Variants in EMID1 observed in about 807,000 individuals in gnomAD.
EMID1 encodes the protein EMI domain containing 1.
In EMID1, 40 loss-of-function variants were observed where a neutral mutation model predicts 60.6. The ratio of observed to expected loss-of-function variants is 0.66; its 90% confidence interval spans 0.51 to 0.86. The LOEUF is 0.86. EMID1 is among the 40% of genes least tolerant of loss of function. The pLI is 0.00. For missense variants in EMID1, 585 were observed against 597.1 expected (o/e 0.98, Z 0.21); for synonymous variants, 242 against 231.0 (o/e 1.05, Z -0.43).
chr22:29,258,321 C>G (rs577025449), intron 14 of EMID1, among the ~76,000 whole-genome samples: 2 of 152,148 alleles, frequency 1.3e-5, no homozygotes, highest in Non-Finnish European at 2.9e-5. Flanking sequence ...GATGAGATGA[C>G]TGAGGCCCTG....
rs142997650 is a variant in EMID1, at chr22:29,254,432, C to T, written c.1204+145C>T. 394 of 737,410 alleles carry T rather than the reference C, an allele frequency of 5.3e-4. 1 individual carries two copies. In the African/African-American group the frequency reaches 6.0e-3, roughly 11 times the overall value. The allele number at this position is 737,410 out of a possible 1,614,324, so 45.7% of individuals were successfully genotyped here. ...AGGCAAGCATGGACCTGAGAGGCCA[C>T]AACCACCCTTCCCTCAATGACTGGT... On this transcript the variant is annotated intron_variant, in intron 14 of 14. Coordinates refer to ENST00000334018, the MANE Select transcript of EMID1 (RefSeq NM_133455.4).
At position 29,238,739 on chromosome 22, in the gene EMID1, T is replaced by A. The variant is rs544884489; in HGVS notation, c.1074+4390T>A. On this transcript the variant is annotated intron_variant, in intron 12 of 14. Transcript: ENST00000334018. ...CGGCCATTTTTTTTTTTTTTTTTTT[T>A]AATTTTAGAAGCAAGATCTCACTAT... 2.4e-3 allele frequency among the ~76,000 whole-genome samples: 260 copies of A among 108,860 alleles called. 22 individuals carry two copies. The highest frequency in any genetic ancestry group is 4.0e-3 in the Admixed American group (45 of 11,136). 71.4% of individuals were successfully genotyped at this position (108,860 alleles called of 152,430 possible). A position where few individuals can be genotyped will look rare whatever the true frequency, so the allele number is the denominator to read the frequency against.
chr22:29,230,579 G>C (rs1307492402), intron 5 of EMID1, among the ~76,000 whole-genome samples: 3 of 152,188 alleles, frequency 2.0e-5, no homozygotes, highest in Non-Finnish European at 4.4e-5. Flanking sequence ...GAAGTTCGGT[G>C]CCCCTGCGAG....
At chr22:29,236,908 T>G (rs1259196940) in intron 12 of EMID1, among the ~76,000 whole-genome samples, 1 of 151,168 alleles carries the variant, frequency 6.6e-6, no homozygotes, top group East Asian at 2.0e-4. Flanking sequence ...GCAATTCTCC[T>G]GCCTCAGCCT....
At position 29,239,291 on chromosome 22, in the gene EMID1, T is replaced by C. The variant is rs188562423; in HGVS notation, c.1075-4154T>C. Reference sequence around the variant, plus strand: ...TTCTTAGAATATCTTTTTTTTCTTTTAAAAAAAATTTTTTTTTAATGTAGA... The same window carrying C: ...TTCTTAGAATATCTTTTTTTTCTTTCAAAAAAAATTTTTTTTTAATGTAGA... On this transcript the variant is annotated intron_variant, in intron 12 of 14. Coordinates refer to ENST00000334018, the MANE Select transcript of EMID1 (RefSeq NM_133455.4). 3.3e-5 allele frequency among the ~76,000 whole-genome samples: 4 copies of C among 120,892 alleles called. 1 individual carries two copies. The South Asian group carries it at 1.4e-3, about 42-fold the overall frequency. The allele number at this position is 120,892 out of a possible 152,430, so 79.3% of individuals were successfully genotyped here.
chr22:29,234,178 C>T lies in EMID1; in HGVS notation c.1008C>T (p.His336=). The T allele has an allele frequency of 6.2e-7, 1 of 1,603,602 alleles. No homozygotes were observed. The highest frequency in any genetic ancestry group is 8.5e-7 in the Non-Finnish European group (1 of 1,174,848). The change falls in exon 11 of 15, where the codon CAC becomes CAT. Residue 336 remains histidine (H), a synonymous_variant. Coordinates refer to ENST00000334018, the MANE Select transcript of EMID1 (RefSeq NM_133455.4). ...CTGGACCCAAAGGAATCTCTGGCCA[C>T]CCAGGAGAGAAGGGCGAGAGAGTGA... is the stretch of plus-strand genomic sequence containing the variant. The part of the protein sequence containing the change: ...GPTGPKGISG[H]PGEKGERGLR...
chr22:29,230,323 G>C (rs1280379632), intron 5 of EMID1, among the ~76,000 whole-genome samples: 2 of 143,528 alleles, frequency 1.4e-5, no homozygotes, highest in South Asian at 4.5e-4. Context: ...ACAGAGCAAG[G>C]CTCTCCATCT....
intron 5 of EMID1, among the ~76,000 whole-genome samples, chr22:29,229,704 T>C (rs2040658595): frequency 6.7e-6 from 1 of 149,602 alleles, no homozygotes; most frequent in South Asian, 2.1e-4. Flanking sequence ...AGCTTCCAAA[T>C]AGCGTGTGCT....
chr22:29,234,149 C>T lies in EMID1; in HGVS notation c.979C>T (p.Pro327Ser), dbSNP rs1182296928. Residue 327 changes from proline (P) to serine (S), a missense_variant, in exon 11 of 15, where the codon CCC (proline) becomes TCC (serine). Coordinates refer to ENST00000334018, the MANE Select transcript of EMID1 (RefSeq NM_133455.4). ...TCTTGTTGCTCAGGGACCCCCAGGCCCCACTGGACCCAAAGGAATCTCTGG... is the reference window on the plus strand; with the variant it reads ...TCTTGTTGCTCAGGGACCCCCAGGCTCCACTGGACCCAAAGGAATCTCTGG... ...GSPGHIGPPG[P>S]TGPKGISGHP... 5 of 1,593,610 alleles carry T rather than the reference C, an allele frequency of 3.1e-6. No individual in the cohort carries two copies. Among genetic ancestry groups the T allele is most frequent in the Non-Finnish European group, 4.3e-6 (5 of 1,169,628 alleles).
intron 5 of EMID1, among the ~76,000 whole-genome samples, chr22:29,229,689 A>T (rs1167366041): frequency 6.6e-6 from 1 of 151,816 alleles, no homozygotes; most frequent in Non-Finnish European, 1.5e-5. Context: ...CAAATGGGAA[A>T]ACCAAGCTTC....
Position 29,238,255 on chromosome 22 carries a change from AT to A in EMID1, c.1074+3908del, listed in dbSNP as rs2041027857. 7.1e-4 allele frequency among the ~76,000 whole-genome samples: 14 copies of A among 19,654 alleles called. 2 individuals are homozygous for A. The highest frequency in any genetic ancestry group is 1.7e-3 in the South Asian group (2 of 1,180). 12.9% of individuals were successfully genotyped at this position (19,654 alleles called of 152,430 possible). ...TTGATTCTCTGAAGTTTTTCTAAAA[AT>A]TATTATTATTATTATTATTATTATT... On this transcript the variant is annotated intron_variant, in intron 12 of 14. Coordinates refer to ENST00000334018, the MANE Select transcript of EMID1 (RefSeq NM_133455.4).
At chr22:29,225,057 G>A (rs1426673387) in intron 3 of EMID1, 76 bp from the exon 4 acceptor site, 1 of 1,484,398 alleles carries the variant, frequency 6.7e-7, no homozygotes, top group Non-Finnish European at 9.3e-7. Context: ...TCCCTGCTGG[G>A]GCTACAGTGG....
chr22:29,237,741 C>T (rs1402206806), intron 12 of EMID1, among the ~76,000 whole-genome samples: 1 of 143,714 alleles, frequency 7.0e-6, no homozygotes, highest in Non-Finnish European at 1.5e-5. Flanking sequence ...ATGGAGCTTG[C>T]AGTGAGTGGA....
In EMID1 at chr22:29,259,288, A is replaced by C. The variant is rs1056666222; in HGVS notation, c.*344A>C. 3.3e-6 allele frequency: 1 copy of C among 303,420 alleles called. No homozygotes were observed. The highest frequency in any genetic ancestry group is 6.1e-6 in the Non-Finnish European group (1 of 162,976). 18.8% of individuals were successfully genotyped at this position (303,420 alleles called of 1,614,324 possible). ...AGGAGCTGGGGCTCGGCACATGCAG[A>C]GATGACAGGGCAGGGGGCAGTCTTC... is the stretch of plus-strand genomic sequence containing the variant. On this transcript the variant is annotated 3_prime_UTR_variant, in exon 15 of 15. Transcript: ENST00000334018.
intron 1 of EMID1, among the ~76,000 whole-genome samples, chr22:29,209,478 T>G (rs2039801988): frequency 6.6e-6 from 1 of 152,078 alleles, no homozygotes; most frequent in Non-Finnish European, 1.5e-5. Flanking sequence ...ATGGAGCACA[T>G]GGGGATGGGT....
intron 13 of EMID1, among the ~76,000 whole-genome samples, chr22:29,245,070 T>TA (rs1849684671): frequency 8.8e-6 from 1 of 113,590 alleles, no homozygotes; most frequent in African/African-American, 3.8e-5. Flanking sequence ...GGGAGCCCCC[T>TA]ACCCTGCACG....
Position 29,258,858 on chromosome 22 carries a change from A to G in EMID1, c.1246A>G (p.Thr416Ala), listed in dbSNP as rs1602082388. ...GSGAGPAGTG[T>A]PSLLRGKRGG... ...TGGGGCGGGCCCTGCCGGCACAGGCACCCCCAGCCTCCTTCGGGGCAAGAG... is the reference window on the plus strand; with the variant it reads ...TGGGGCGGGCCCTGCCGGCACAGGCGCCCCCAGCCTCCTTCGGGGCAAGAG... Residue 416 changes from threonine (T) to alanine (A), a missense_variant, in exon 15 of 15, where the codon ACC becomes GCC. Coordinates refer to ENST00000334018, the MANE Select transcript of EMID1 (RefSeq NM_133455.4). 5 of 1,612,526 alleles carry G rather than the reference A, an allele frequency of 3.1e-6. No individual in the cohort carries two copies. The highest frequency in any genetic ancestry group is 4.2e-6 in the Non-Finnish European group (5 of 1,179,662).
chr22:29,247,637 G>T (rs1347762380), intron 13 of EMID1, among the ~76,000 whole-genome samples: 3 of 152,136 alleles, frequency 2.0e-5, no homozygotes, highest in Non-Finnish European at 2.9e-5. Context: ...GAGCTTTTTT[G>T]TTTGTTTGTT....
intron 1 of EMID1, among the ~76,000 whole-genome samples, chr22:29,208,499 G>A (rs2146090713): frequency 1.3e-5 from 2 of 152,300 alleles, no homozygotes; most frequent in South Asian, 2.1e-4. Context: ...TCAGCTGAGG[G>A]TTCAAGCCTT....
Sources: gnomAD v4.1 joint callset for allele counts (sites outside exome capture counted in the v4.1 genomes callset) on GRCh38, gnomAD v4.1.1 for gene constraint, MANE v1.5 for transcripts, NCBI Gene and HGNC (gene_info 2026-07-23, HGNC 2026-07-21) for gene names.